The following CDC25C variants were observed in gnomAD, a reference collection of about 807,000 sequenced individuals.
CDC25C encodes M-phase inducer phosphatase 3.
CDC25C carries 48 observed loss-of-function variants against 52.5 expected under a neutral mutation model. That is an observed-to-expected ratio of 0.91 (90% CI 0.72 to 1.16). The LOEUF is 1.16. Among genes scored for constraint, CDC25C ranks in the 50% most tolerant of loss-of-function variants. The pLI, the probability that CDC25C is intolerant of heterozygous loss-of-function variation, is 0.00. For missense variants in CDC25C, 510 were observed against 566.1 expected (o/e 0.90, Z 1.01); for synonymous variants, 187 against 206.5 (o/e 0.91, Z 0.81).
chr5:138,285,930 T>C, intron 13 of CDC25C, 89 bp from the exon 14 acceptor site: 3 of 1,546,592 alleles, frequency 1.9e-6, no homozygotes, highest in Non-Finnish European at 2.7e-6. Flanking sequence ...TGGCAGTGGC[T>C]AAGGAGGAGC....
intron 3 of CDC25C, 36 bp downstream of exon 3, chr5:138,329,517 T>C (rs2126842278): frequency 1.6e-6 from 2 of 1,256,582 alleles, no homozygotes; most frequent in Middle Eastern, 1.9e-4. Context: ...TAAAAGTTAT[T>C]CTTCCCTTTG....
chr5:138,330,082 T>C (rs932687956), intron 2 of CDC25C, among the ~76,000 whole-genome samples: 1 of 152,172 alleles, frequency 6.6e-6, no homozygotes, highest in South Asian at 2.1e-4. Flanking sequence ...ATCTGAACAG[T>C]GTCCAAATAA....
At chr5:138,331,813 C>T, upstream of CDC25C, 1 of 986,098 alleles carries the variant, frequency 1.0e-6, no homozygotes, top group East Asian at 1.1e-4. Flanking sequence ...ATATCAACAG[C>T]CGCAGGCGTT....
At chr5:138,298,163 ATT>A (rs34763291) in intron 7 of CDC25C, among the ~76,000 whole-genome samples, 21,681 of 131,556 alleles carry the variant, frequency 0.16, 1,841 homozygotes, top group South Asian at 0.24. Context: ...CACACCTTGC[ATT>A]TTTTTTTTTT....
chr5:138,337,903 G>T (rs1760826251), intron 1 of CDC25C: 1 of 1,226,372 alleles, frequency 8.2e-7, no homozygotes, highest in Non-Finnish European at 1.1e-6. Context: ...CGAGTGGGAG[G>T]CTGCAGTTGG....
chr5:138,322,481 T>C (rs1473359358), intron 6 of CDC25C, among the ~76,000 whole-genome samples: 1 of 124,250 alleles, frequency 8.0e-6, no homozygotes, highest in African/African-American at 3.0e-5. Context: ...TTTTTTTTTT[T>C]TTTTTTTTTT....
intron 6 of CDC25C, among the ~76,000 whole-genome samples, chr5:138,321,692 C>A (rs1221393042): frequency 4.9e-5 from 6 of 121,884 alleles, no homozygotes; most frequent in Non-Finnish European, 9.5e-5. Flanking sequence ...GCAGAGGTTG[C>A]AGTGAGCTGA....
At chr5:138,305,583 T>C (rs1312335207) in intron 7 of CDC25C, among the ~76,000 whole-genome samples, 1 of 152,104 alleles carries the variant, frequency 6.6e-6, no homozygotes, top group Non-Finnish European at 1.5e-5. Flanking sequence ...TATTTTTTTG[T>C]AGCGATGGGG....
chr5:138,337,940 C>T (rs1269669558), intron 1 of CDC25C: 1 of 1,287,812 alleles, frequency 7.8e-7, no homozygotes, highest in Non-Finnish European at 1.0e-6. Flanking sequence ...AGGGCAGGGG[C>T]GATGCCTTTG....
upstream of CDC25C, among the ~76,000 whole-genome samples, chr5:138,336,544 G>T (rs1056812692): frequency 6.6e-6 from 1 of 152,156 alleles, no homozygotes; most frequent in Non-Finnish European, 1.5e-5. Context: ...AAATATGCTG[G>T]GCATGGTGGC....
At chr5:138,329,692 T>G in intron 2 of CDC25C, 45 bp from the exon 3 acceptor site, 1 of 1,060,862 alleles carries the variant, frequency 9.4e-7, no homozygotes, top group Non-Finnish European at 1.5e-6. Flanking sequence ...TAGATTATTA[T>G]ATCCTTAAAA....
intron 7 of CDC25C, among the ~76,000 whole-genome samples, chr5:138,313,547 A>G (rs1212565904): frequency 6.6e-6 from 1 of 152,168 alleles, no homozygotes; most frequent in Non-Finnish European, 1.5e-5. Flanking sequence ...CAAAAAATGT[A>G]TAAAAAGAAT....
At position 138,328,993 on chromosome 5, in the gene CDC25C, C is replaced by T. The variant is rs530114200; in HGVS notation, c.290-464G>A. The stretch of plus-strand genomic sequence containing the variant: ...TATCTTGGCTCACTGCAACCTCCAC[C>T]TCCCGGGTTCAAGAGATTCTCCTGC... On this transcript the variant is annotated intron_variant, in intron 3 of 13. Coordinates refer to ENST00000323760, the MANE Select transcript of CDC25C (RefSeq NM_001790.5). The T allele has an allele frequency of 3.1e-5, 5 of 159,366 alleles. No individual in the cohort carries two copies. The South Asian group carries it at 8.8e-4, about 28-fold the overall frequency. The allele number at this position is 159,366 out of a possible 1,614,324, so 9.9% of individuals were successfully genotyped here. A position where few individuals can be genotyped will look rare whatever the true frequency, so the allele number is the denominator to read the frequency against.
At chr5:138,336,959 A>G (rs1346663760) in intron 1 of CDC25C, 1 of 152,078 alleles carries the variant, frequency 6.6e-6, no homozygotes, top group African/African-American at 2.4e-5. Context: ...CCAGCTGATC[A>G]CAGCTATTTA....
intron 6 of CDC25C, among the ~76,000 whole-genome samples, chr5:138,323,459 C>G (rs1759597841): frequency 6.6e-6 from 1 of 151,886 alleles, no homozygotes; most frequent in African/African-American, 2.4e-5. Flanking sequence ...CACCAAGTCC[C>G]AGCCATTTCT....
At chr5:138,305,890 A>C (rs1187631778) in intron 7 of CDC25C, among the ~76,000 whole-genome samples, 5 of 152,176 alleles carry the variant, frequency 3.3e-5, no homozygotes, top group Admixed American at 3.3e-4. Flanking sequence ...TTCAACCTTA[A>C]AGAAGCTCAA....
rs544417393 is a variant in CDC25C at position 138,290,884 on chromosome 5, G to A, written c.763-144C>T. 4 of 586,506 alleles carry A rather than the reference G, an allele frequency of 6.8e-6. No individual in the cohort carries two copies. The Admixed American group carries it at 1.1e-4, about 17-fold the overall frequency. The allele number at this position is 586,506 out of a possible 1,614,324, so 36.3% of individuals were successfully genotyped here. The stretch of plus-strand genomic sequence containing the variant: ...GTAGGGAGATCACTTGAGCCCAGGA[G>A]GCCAAGGCTATAGTGAGCTACGATT... On this transcript the variant is annotated intron_variant, in intron 8 of 13. Transcript: ENST00000323760.
chr5:138,291,888 C>A, intron 8 of CDC25C, 82 bp downstream of exon 8: 1 of 1,102,228 alleles, frequency 9.1e-7, no homozygotes. Flanking sequence ...ACAAAAAAGG[C>A]ATAATAAAAC....
At chr5:138,307,608 T>A (rs1170734452) in intron 7 of CDC25C, among the ~76,000 whole-genome samples, 1 of 152,036 alleles carries the variant, frequency 6.6e-6, no homozygotes, top group Non-Finnish European at 1.5e-5. Flanking sequence ...TTAAAACATT[T>A]TTTATTTAAT....
Sources: allele counts gnomAD v4.1 joint callset (sites outside exome capture counted in the v4.1 genomes callset), GRCh38; gene constraint gnomAD v4.1.1; transcripts MANE v1.5; gene names NCBI Gene and HGNC (gene_info 2026-07-23, HGNC 2026-07-21).